CNTN1: variants seen among roughly 807,000 people sequenced by gnomAD.
The protein encoded by CNTN1 is contactin-1.
Under a neutral mutation model 126.4 loss-of-function variants are expected in CNTN1, and 38 were observed. The ratio of observed to expected loss-of-function variants is 0.30; its 90% CI spans 0.23 to 0.39. CNTN1 has a LOEUF of 0.39. CNTN1 is among the 10% of genes least tolerant of loss of function. CNTN1 has a pLI of 1.00. For missense variants in CNTN1, 1,009 were observed against 1,248.4 expected (o/e 0.81, Z 2.89); for synonymous variants, 413 against 422.6 (o/e 0.98, Z 0.28).
chr12:41,041,915 T>C (rs1483673417), intron 23 of CNTN1, among the ~76,000 whole-genome samples: 1 of 152,196 alleles, frequency 6.6e-6, no homozygotes, highest in Non-Finnish European at 1.5e-5. Context: ...CTCTATTTCC[T>C]TCAGTTCTGC....
At chr12:40,869,971 A>G (rs59789397) in intron 1 of CNTN1, among the ~76,000 whole-genome samples, 3,168 of 152,246 alleles carry the variant, frequency 0.021, 31 homozygotes, top group Middle Eastern at 0.031. Flanking sequence ...CCTGGTGGGA[A>G]GTGATTGAAT....
intron 1 of CNTN1, among the ~76,000 whole-genome samples, chr12:40,862,827 T>A (rs995792560): frequency 2.0e-5 from 3 of 152,210 alleles, no homozygotes; most frequent in African/African-American, 7.2e-5. Context: ...TTATAAATAC[T>A]GAATACATGC....
At chr12:40,959,485 A>G (rs1159561802) in intron 15 of CNTN1, among the ~76,000 whole-genome samples, 1 of 151,942 alleles carries the variant, frequency 6.6e-6, no homozygotes, top group Non-Finnish European at 1.5e-5. Context: ...CTCCTACTAA[A>G]TGTTTGTGCT....
At chr12:40,849,755 G>T (rs1942649695) in intron 1 of CNTN1, among the ~76,000 whole-genome samples, 1 of 152,010 alleles carries the variant, frequency 6.6e-6, no homozygotes, top group South Asian at 2.1e-4. Context: ...ATTAAAATAA[G>T]GATTTTCAAT....
At chr12:40,800,237 C>G (rs868005504) in intron 1 of CNTN1, among the ~76,000 whole-genome samples, 7 of 152,012 alleles carry the variant, frequency 4.6e-5, no homozygotes, top group South Asian at 2.1e-4. Flanking sequence ...TGCAATCACT[C>G]CATCCTGCCA....
At chr12:40,813,322 C>T (rs982561389) in intron 1 of CNTN1, among the ~76,000 whole-genome samples, 7 of 151,438 alleles carry the variant, frequency 4.6e-5, no homozygotes, top group Admixed American at 2.6e-4. Context: ...CCTATTGACC[C>T]ATCCTCTAAG....
At chr12:41,034,361 C>T (rs543594076) in intron 23 of CNTN1, among the ~76,000 whole-genome samples, 1 of 152,258 alleles carries the variant, frequency 6.6e-6, no homozygotes, top group South Asian at 2.1e-4. Flanking sequence ...TTGCTTTGTC[C>T]TCTCCTGCCA....
At chr12:41,024,309 A>T (rs1433020620) in intron 20 of CNTN1, among the ~76,000 whole-genome samples, 1 of 152,154 alleles carries the variant, frequency 6.6e-6, no homozygotes, top group Non-Finnish European at 1.5e-5. Context: ...ATATCAGGAT[A>T]GTTACAAATA....
At chr12:40,725,846 C>T (rs2121239240) in intron 1 of CNTN1, among the ~76,000 whole-genome samples, 1 of 151,222 alleles carries the variant, frequency 6.6e-6, no homozygotes, top group South Asian at 2.1e-4. Flanking sequence ...TTGGCTGGTA[C>T]AATATTTCTT....
At chr12:40,973,184 AG>A (rs776831181) in intron 15 of CNTN1, among the ~76,000 whole-genome samples, 21 of 152,090 alleles carry the variant, frequency 1.4e-4, no homozygotes, top group Non-Finnish European at 2.4e-4. Context: ...TCAATATCAG[AG>A]GTTAAGAAAA....
intron 1 of CNTN1, among the ~76,000 whole-genome samples, chr12:40,701,712 T>G (rs889811627): frequency 6.6e-6 from 1 of 152,218 alleles, no homozygotes; most frequent in African/African-American, 2.4e-5. Flanking sequence ...TTCAGATTGC[T>G]TGAAAATTAA....
chr12:40,946,218 T>C (rs1486290086), intron 14 of CNTN1, among the ~76,000 whole-genome samples: 2 of 152,112 alleles, frequency 1.3e-5, no homozygotes, highest in Non-Finnish European at 2.9e-5. Context: ...CAATATGCCA[T>C]GCAAAATTTA....
At chr12:40,990,942 G>T (rs1362950757) in intron 16 of CNTN1, among the ~76,000 whole-genome samples, 1 of 152,136 alleles carries the variant, frequency 6.6e-6, no homozygotes, top group Non-Finnish European at 1.5e-5. Context: ...AAACACTTTT[G>T]TACTGTACAC....
chr12:40,924,898 A>ATATATATATATATATATATAT (rs60947154), intron 6 of CNTN1, among the ~76,000 whole-genome samples: 1 of 146,178 alleles, frequency 6.8e-6, no homozygotes, highest in African/African-American at 2.5e-5. Flanking sequence ...ATATATATAT[A>ATATATATATATATATATATAT]GTATTATGTC....
intron 1 of CNTN1, among the ~76,000 whole-genome samples, chr12:40,855,338 A>G (rs578245962): frequency 4.2e-4 from 64 of 152,176 alleles, no homozygotes; most frequent in African/African-American, 1.5e-3. Context: ...TATTACTCTT[A>G]ATAGTATCCA....
At chr12:41,047,283 C>G (rs2120998757) in intron 23 of CNTN1, among the ~76,000 whole-genome samples, 1 of 152,290 alleles carries the variant, frequency 6.6e-6, no homozygotes, top group South Asian at 2.1e-4. Context: ...ATACTTTACT[C>G]TTAAAACCTT....
intron 17 of CNTN1, among the ~76,000 whole-genome samples, chr12:40,996,955 G>A (rs1948234084): frequency 6.6e-6 from 1 of 152,156 alleles, no homozygotes; most frequent in Non-Finnish European, 1.5e-5. Context: ...CCATTTGATG[G>A]AAAGGTTGGT....
At chr12:41,058,208 C>G (rs1340955831) in intron 23 of CNTN1, among the ~76,000 whole-genome samples, 1 of 152,048 alleles carries the variant, frequency 6.6e-6, no homozygotes, top group Non-Finnish European at 1.5e-5. Context: ...TTTTAGGTTT[C>G]CTAACATTTC....
chr12:40,713,074 A>G (rs1424513484), intron 1 of CNTN1, among the ~76,000 whole-genome samples: 2 of 152,160 alleles, frequency 1.3e-5, no homozygotes, highest in Non-Finnish European at 2.9e-5. Context: ...TATTTGGCTC[A>G]TGGTTCTGCA....
Sources: allele counts gnomAD v4.1 joint callset (sites outside exome capture counted in the v4.1 genomes callset), GRCh38; gene constraint gnomAD v4.1.1; transcripts MANE v1.5; gene names NCBI Gene and HGNC (gene_info 2026-07-23, HGNC 2026-07-21).